The following NSG1 variants were observed in gnomAD, a reference collection of about 807,000 sequenced individuals.
NSG1 encodes the protein neuronal vesicle trafficking associated 1.
Under a neutral mutation model 19.3 loss-of-function variants are expected in NSG1, and 9 were observed. That is an observed-to-expected ratio of 0.47 (90% CI 0.28 to 0.81). NSG1 has a LOEUF of 0.81. Ranked by LOEUF, NSG1 falls within the 40% of genes least tolerant of loss-of-function variation. The pLI is 0.11. For missense variants in NSG1, 236 were observed against 242.4 expected (o/e 0.97, Z 0.18); for synonymous variants, 104 against 107.0 (o/e 0.97, Z 0.17).
intron 3 of NSG1, among the ~76,000 whole-genome samples, chr4:4,405,764 C>T (rs1228743445): frequency 6.6e-6 from 1 of 152,178 alleles, no homozygotes; most frequent in African/African-American, 2.4e-5. Context: ...ATTTCTTTGC[C>T]CTTCTCCCCT....
At chr4:4,416,180 A>T (rs1345862580) in intron 4 of NSG1, 1 of 702,210 alleles carries the variant, frequency 1.4e-6, no homozygotes, top group African/African-American at 1.7e-5. Flanking sequence ...TTGAGAGAGA[A>T]AACACTCCGC....
At chr4:4,396,553 A>T (rs901252865) in intron 3 of NSG1, among the ~76,000 whole-genome samples, 4 of 152,162 alleles carry the variant, frequency 2.6e-5, no homozygotes, top group African/African-American at 4.8e-5. Flanking sequence ...AGCCCTCGTT[A>T]GTCTGCGTGG....
intron 3 of NSG1, among the ~76,000 whole-genome samples, chr4:4,403,417 C>T (rs554252629): frequency 2.0e-5 from 3 of 152,136 alleles, no homozygotes; most frequent in Admixed American, 1.3e-4. Context: ...CTCATGGTCC[C>T]GTCCTCCGCC....
intron 3 of NSG1, among the ~76,000 whole-genome samples, chr4:4,399,873 G>T (rs1723456735): frequency 6.6e-6 from 1 of 152,180 alleles, no homozygotes; most frequent in African/African-American, 2.4e-5. Context: ...TCACAATAGG[G>T]TTCATGCTCC....
intron 3 of NSG1, among the ~76,000 whole-genome samples, chr4:4,401,498 G>C (rs1031421401): frequency 1.3e-5 from 2 of 152,122 alleles, no homozygotes; most frequent in Non-Finnish European, 2.9e-5. Context: ...CTTCCTGCTG[G>C]ACTCCCATTT....
At chr4:4,404,381 C>A (rs1425364873) in intron 3 of NSG1, among the ~76,000 whole-genome samples, 1 of 152,232 alleles carries the variant, frequency 6.6e-6, no homozygotes, top group Non-Finnish European at 1.5e-5. Context: ...CCTGCACACC[C>A]CATCATAGAC....
intron 4 of NSG1, among the ~76,000 whole-genome samples, chr4:4,412,834 TC>T (rs981979939): frequency 9.9e-5 from 15 of 152,212 alleles, no homozygotes; most frequent in African/African-American, 3.6e-4. Context: ...GCCAACTGTT[TC>T]TAGCACTGAG....
intron 3 of NSG1, 131 bp from the exon 4 acceptor site, chr4:4,409,442 C>T (rs970191931): frequency 8.0e-5 from 55 of 689,720 alleles, no homozygotes; most frequent in Admixed American, 1.1e-4. Flanking sequence ...TTGTGCCTAG[C>T]TGCCCTTACC....
chr4:4,395,900 C>T lies in NSG1; in HGVS notation c.246+4309C>T, dbSNP rs184661481. Reference sequence around the variant, plus strand: ...AGGCGTTTGGATGGCATCCTTGAAACGGAGTGTCTTTTTGCATGCAGCTTT... The same window carrying T: ...AGGCGTTTGGATGGCATCCTTGAAATGGAGTGTCTTTTTGCATGCAGCTTT... On this transcript the variant is annotated intron_variant, in intron 3 of 4. Coordinates refer to ENST00000621129, the MANE Select transcript of NSG1 (RefSeq NM_014392.5). Among the ~76,000 whole-genome samples, 337 of 152,262 alleles carry T rather than the reference C, an allele frequency of 2.2e-3. 3 individuals carry two copies. Among genetic ancestry groups the T allele is most frequent in the African/African-American group, 7.7e-3 (319 of 41,550 alleles).
rs374390238 is a variant in NSG1 at position 4,409,785 on chromosome 4, C to T, written c.357+102C>T. 404 of 920,830 alleles carry T rather than the reference C, an allele frequency of 4.4e-4. 6 individuals are homozygous for T. In the East Asian group the frequency reaches 9.8e-3, roughly 22 times the overall value. 57.0% of individuals were successfully genotyped at this position (920,830 alleles called of 1,614,324 possible). Reference sequence around the variant, plus strand: ...CCTGCCGTCTCCCCCAGCTGGCCCACGGACAGGCCTTAGAGCAGCAGGGGG... The same window carrying T: ...CCTGCCGTCTCCCCCAGCTGGCCCATGGACAGGCCTTAGAGCAGCAGGGGG... On this transcript the variant is annotated intron_variant, in intron 4 of 4. Coordinates refer to ENST00000621129, the MANE Select transcript of NSG1 (RefSeq NM_014392.5).
chr4:4,393,390 A>G (rs1723094825), intron 3 of NSG1, among the ~76,000 whole-genome samples: 1 of 152,136 alleles, frequency 6.6e-6, no homozygotes, highest in Admixed American at 6.5e-5. Context: ...GGTGATGCAT[A>G]TTTGCCACCA....
At chr4:4,391,758 G>A (rs563321681) in intron 3 of NSG1, among the ~76,000 whole-genome samples, 167 bp downstream of exon 3, 2 of 152,352 alleles carry the variant, frequency 1.3e-5, no homozygotes, top group East Asian at 3.9e-4. Context: ...TGTTGTCCTT[G>A]TGCTTTTTGT....
At chr4:4,399,534 T>C (rs954927026) in intron 3 of NSG1, among the ~76,000 whole-genome samples, 1 of 140,698 alleles carries the variant, frequency 7.1e-6, no homozygotes, top group African/African-American at 2.6e-5. Flanking sequence ...TAAGCCCTTG[T>C]AAGATATGTG....
In NSG1 at chr4:4,387,778, T is replaced by A. The variant is rs751667071; in HGVS notation, c.129+20T>A. On this transcript the variant is annotated intron_variant, in intron 2 of 4. Transcript: ENST00000621129. ...GATAAGGTAAGCCCCCCCACGCCCC[T>A]CCACGTTGCCGGGTGTGCACCCCCA... The A allele has an allele frequency of 6.3e-7, 1 of 1,575,356 alleles. No individual in the cohort carries two copies. The highest frequency in any genetic ancestry group is 8.7e-7 in the Non-Finnish European group (1 of 1,147,116).
At chr4:4,409,167 T>G (rs1724028487) in intron 3 of NSG1, among the ~76,000 whole-genome samples, 1 of 152,202 alleles carries the variant, frequency 6.6e-6, no homozygotes, top group Non-Finnish European at 1.5e-5. Context: ...ACACATTTGC[T>G]GAGCGGATGC....
In NSG1 at chr4:4,391,277, G is replaced by A. The variant is rs55644850; in HGVS notation, c.130-198G>A. On this transcript the variant is annotated intron_variant, in intron 2 of 4. Coordinates refer to ENST00000621129, the MANE Select transcript of NSG1 (RefSeq NM_014392.5). ...GTTATAATATTTCCCTCCTGGGACT[G>A]CTATCAGGATTATGAATGGGTCATT... 9.7e-3 allele frequency among the ~76,000 whole-genome samples: 1,485 copies of A among 152,316 alleles called. 22 individuals are homozygous for A. Among genetic ancestry groups the A allele is most frequent in the African/African-American group, 0.034 (1,398 of 41,566 alleles).
chr4:4,391,535 C>A lies in NSG1; in HGVS notation c.190C>A (p.Pro64Thr), dbSNP rs1722992838. 2 of 1,613,782 alleles carry A rather than the reference C, an allele frequency of 1.2e-6. No individual in the cohort carries two copies. Among genetic ancestry groups the A allele is most frequent in the Non-Finnish European group, 1.7e-6 (2 of 1,179,948 alleles). Residue 64 changes from proline to threonine, a missense_variant, in exon 3 of 5, where the codon CCC becomes ACC. By Grantham distance (38) the Pro-to-Thr change is conservative (BLOSUM62 -1). Transcript: ENST00000621129. ...PDRKKGKARP[P>T]QIAEFTVSIT... Reference sequence around the variant, plus strand: ...CCGCAAGAAAGGGAAAGCACGTCCTCCCCAAATTGCTGAGTTCACCGTCAG... The same window carrying A: ...CCGCAAGAAAGGGAAAGCACGTCCTACCCAAATTGCTGAGTTCACCGTCAG...
At chr4:4,386,760 G>A (rs1354712255), upstream of NSG1, 3 of 153,194 alleles carry the variant, frequency 2.0e-5, no homozygotes, top group African/African-American at 4.8e-5. Flanking sequence ...CTCGCGCCCA[G>A]GCCGCCGCCC....
chr4:4,397,589 G>A (rs926675361), intron 3 of NSG1, among the ~76,000 whole-genome samples: 7 of 152,208 alleles, frequency 4.6e-5, no homozygotes, highest in Non-Finnish European at 8.8e-5. Context: ...GACGGTGAGC[G>A]TTCCCAGAAC....
Sources: gnomAD v4.1 joint callset for allele counts (sites outside exome capture counted in the v4.1 genomes callset) on GRCh38, gnomAD v4.1.1 for gene constraint, MANE v1.5 for transcripts, NCBI Gene and HGNC (gene_info 2026-07-23, HGNC 2026-07-21) for gene names.